BAZ1B: variants seen among roughly 807,000 people sequenced by gnomAD.
BAZ1B encodes bromodomain adjacent to zinc finger domain 1B.
Under a neutral mutation model 153.8 loss-of-function variants are expected in BAZ1B, and 22 were observed. The observed-to-expected ratio is 0.14, with a 90% confidence interval of 0.10 to 0.20. The LOEUF (loss-of-function observed/expected upper bound fraction) is 0.20, where lower values mean the gene tolerates loss of function less well. Ranked by LOEUF, BAZ1B falls within the 10% of genes least tolerant of loss-of-function variation. The pLI, the probability that BAZ1B is intolerant of heterozygous loss-of-function variation, is 1.00. For missense variants in BAZ1B, 1,325 were observed against 1,799.3 expected, an observed-to-expected ratio of 0.74 and a Z score of 4.77; for synonymous variants, 676 against 633.4, an observed-to-expected ratio of 1.07 and a Z score of -1.01.
chr7:73,473,061 C>T (rs1436036668), intron 7 of BAZ1B, among the ~76,000 whole-genome samples: 1 of 152,100 alleles, frequency 6.6e-6, no homozygotes, highest in African/African-American at 2.4e-5. Context: ...CCTGCCTCAG[C>T]ATCCTGAGTA....
At chr7:73,495,853 G>A (rs955819344) in intron 4 of BAZ1B, among the ~76,000 whole-genome samples, 2 of 152,034 alleles carry the variant, frequency 1.3e-5, no homozygotes, top group African/African-American at 4.8e-5. Context: ...CACATAGAGG[G>A]GAACAACACA....
chr7:73,475,853 G>T (rs549794654), intron 7 of BAZ1B, among the ~76,000 whole-genome samples: 1 of 151,658 alleles, frequency 6.6e-6, no homozygotes, highest in East Asian at 1.9e-4. Context: ...GAATCCAGAA[G>T]GCGGAGGTTG....
chr7:73,466,532 T>C, intron 9 of BAZ1B, 131 bp from the exon 10 acceptor site: 1 of 585,124 alleles, frequency 1.7e-6, no homozygotes, highest in Non-Finnish European at 3.1e-6. Flanking sequence ...ATATCAAATA[T>C]ATCTTCATGT....
At chr7:73,504,613 G>A (rs534814995) in intron 3 of BAZ1B, among the ~76,000 whole-genome samples, 4 of 151,968 alleles carry the variant, frequency 2.6e-5, no homozygotes, top group Admixed American at 6.6e-5. Flanking sequence ...GCAACGAGCC[G>A]AGATCGCGCC....
At chr7:73,510,165 C>A (rs1790520405) in intron 2 of BAZ1B, among the ~76,000 whole-genome samples, 1 of 151,374 alleles carries the variant, frequency 6.6e-6, no homozygotes, top group South Asian at 2.1e-4. Flanking sequence ...CGCGGTAGCT[C>A]ACGCCTGTAA....
At position 73,469,365 on chromosome 7, in the gene BAZ1B, C is replaced by T. The variant is rs1277046119; in HGVS notation, c.2866+152G>A. ...ACGTGGGTTTCTCTCCTTCTTTCTA[C>T]ACATTTCACATCTACCTACTTCACT... On this transcript the variant is annotated intron_variant, in intron 9 of 19. Coordinates refer to ENST00000339594, the MANE Select transcript of BAZ1B (RefSeq NM_032408.4). 21 of 925,406 alleles carry T rather than the reference C, an allele frequency of 2.3e-5. 1 individual carries two copies. Among genetic ancestry groups the T allele is most frequent in the Middle Eastern group, 3.4e-4 (1 of 2,924 alleles). 57.3% of individuals were successfully genotyped at this position (925,406 alleles called of 1,614,324 possible).
intron 1 of BAZ1B, among the ~76,000 whole-genome samples, chr7:73,516,753 C>T (rs1352593781): frequency 2.9e-5 from 3 of 103,266 alleles, no homozygotes; most frequent in African/African-American, 3.9e-5. Context: ...CCAGCCTGGG[C>T]GACAGACTGT....
At chr7:73,508,659 C>T (rs1790445542) in intron 2 of BAZ1B, among the ~76,000 whole-genome samples, 188 bp from the exon 3 acceptor site, 1 of 152,174 alleles carries the variant, frequency 6.6e-6, no homozygotes, top group Non-Finnish European at 1.5e-5. Flanking sequence ...TCGAACAATC[C>T]TCCTACCTCT....
At chr7:73,484,117 T>A (rs1789304331) in intron 6 of BAZ1B, among the ~76,000 whole-genome samples, 2 of 152,090 alleles carry the variant, frequency 1.3e-5, no homozygotes, top group South Asian at 4.2e-4. Flanking sequence ...AATAGAAAAA[T>A]TAGCCAGGCA....
At chr7:73,510,409 A>T (rs1790533104) in intron 2 of BAZ1B, among the ~76,000 whole-genome samples, 1 of 152,210 alleles carries the variant, frequency 6.6e-6, no homozygotes, top group Non-Finnish European at 1.5e-5. Context: ...AGCCTGGGCG[A>T]GAGCGAGATT....
At position 73,470,388 on chromosome 7, in the gene BAZ1B, C is replaced by T. The variant is rs1788754466; in HGVS notation, c.2689G>A (p.Val897Ile). ...GTGCCAATAGGAGTCCTGCGCATGACTAGTTTGGCCTTGGCAATCCCTTCC... is the reference window on the plus strand; with the variant it reads ...GTGCCAATAGGAGTCCTGCGCATGATTAGTTTGGCCTTGGCAATCCCTTCC... ...FQEGIAKAKL[V>I]MRRTPIGTDR... Residue 897 changes from valine (V) to isoleucine (I), a missense_variant, in exon 8 of 20, where the codon GTC (valine) becomes ATC (isoleucine). Coordinates refer to ENST00000339594, the MANE Select transcript of BAZ1B (RefSeq NM_032408.4). 1 of 1,614,016 alleles carries T rather than the reference C, an allele frequency of 6.2e-7. No homozygotes were observed. The highest frequency in any genetic ancestry group is 1.3e-5 in the African/African-American group (1 of 74,924).
chr7:73,494,579 TAAAC>T (rs1208771308), intron 4 of BAZ1B, among the ~76,000 whole-genome samples: 3 of 151,794 alleles, frequency 2.0e-5, no homozygotes, highest in African/African-American at 7.3e-5. Context: ...ACCCTGTCTC[TAAAC>T]AAACAAACAA....
In BAZ1B at chr7:73,450,522, A is replaced by T. The variant is rs1025439943; in HGVS notation, c.3580+325T>A. On this transcript the variant is annotated intron_variant, in intron 14 of 19. Transcript: ENST00000339594. This position sits in a 1 kb window ranked among gnomAD's most constrained non-coding sequence, Gnocchi z 4.1. ...ACATATCTTACTTCACAGATGACTA[A>T]AGTTCTGAGCCAATCAAAGGATTTA... is the stretch of plus-strand genomic sequence containing the variant. Among the ~76,000 whole-genome samples the T allele has an allele frequency of 3.3e-5, 5 of 152,196 alleles. No individual in the cohort carries two copies. The highest frequency in any genetic ancestry group is 6.5e-5 in the Admixed American group (1 of 15,274).
chr7:73,445,676 G>C (rs369349280), intron 16 of BAZ1B, among the ~76,000 whole-genome samples: 1 of 152,074 alleles, frequency 6.6e-6, no homozygotes, highest in Middle Eastern at 3.2e-3. Context: ...TTCAAGACCA[G>C]CCTGGGAAAC....
intron 12 of BAZ1B, among the ~76,000 whole-genome samples, chr7:73,459,982 G>A (rs902604478): frequency 6.6e-6 from 1 of 152,066 alleles, no homozygotes; most frequent in African/African-American, 2.4e-5. Context: ...ATCACCTGAG[G>A]TCAGGAGTTC....
Position 73,477,086 on chromosome 7 carries a change from CTCT to C in BAZ1B, c.2372_2374del (p.Lys791del). The C allele has an allele frequency of 6.2e-7, 1 of 1,614,060 alleles. No homozygotes were observed. Among genetic ancestry groups the C allele is most frequent in the Non-Finnish European group, 8.5e-7 (1 of 1,180,006 alleles). Reference sequence around the variant, plus strand: ...TTCTTTCCGTTTCTGTTTCTCTGCTCTCTTCTTATCATTTTCTTCCTTCAACAC... The same window carrying C: ...TTCTTTCCGTTTCTGTTTCTCTGCTCTCTTATCATTTTCTTCCTTCAACAC... On this transcript the variant is annotated inframe_deletion, in exon 7 of 20. Coordinates refer to ENST00000339594, the MANE Select transcript of BAZ1B (RefSeq NM_032408.4). The surrounding 1 kb of genome is among the most constrained non-coding windows in gnomAD (Gnocchi z 5.6).
At chr7:73,518,181 C>T (rs1790887745) in intron 1 of BAZ1B, among the ~76,000 whole-genome samples, 1 of 149,960 alleles carries the variant, frequency 6.7e-6, no homozygotes. Flanking sequence ...GCGGGCGGAT[C>T]ATAAGGTCAG....
chr7:73,443,953 G>A, intron 17 of BAZ1B, 31 bp downstream of exon 17: 1 of 1,612,754 alleles, frequency 6.2e-7, no homozygotes, highest in South Asian at 1.1e-5. Flanking sequence ...GAAACAGAAA[G>A]GTTAGAGAAG....
At chr7:73,506,486 G>A (rs556330923) in intron 3 of BAZ1B, among the ~76,000 whole-genome samples, 13 of 147,506 alleles carry the variant, frequency 8.8e-5, no homozygotes, top group African/African-American at 1.5e-4. Flanking sequence ...GCAACAGAGC[G>A]AGACTCCATC....
Sources: allele counts gnomAD v4.1 joint callset (sites outside exome capture counted in the v4.1 genomes callset), GRCh38; gene constraint gnomAD v4.1.1; non-coding constraint Gnocchi (gnomAD v3.1); transcripts MANE v1.5; gene names NCBI Gene and HGNC (gene_info 2026-07-23, HGNC 2026-07-21).